RAB14: variants seen among roughly 807,000 people sequenced by gnomAD.
RAB14 encodes ras-related protein Rab-14.
In RAB14, 3 loss-of-function variants were observed where a neutral mutation model predicts 31.1. The observed-to-expected ratio is 0.10, with a 90% CI of 0.04 to 0.25. RAB14 has a LOEUF of 0.25. Ranked by LOEUF, RAB14 falls within the 10% of genes least tolerant of loss-of-function variation. The pLI is 1.00. For missense variants in RAB14, 111 were observed against 260.1 expected, an observed-to-expected ratio of 0.43 and a Z score of 3.94; for synonymous variants, 85 against 84.9, an observed-to-expected ratio of 1.00 and a Z score of 0.00.
chr9:121,194,528 A>G (rs1004824827), intron 1 of RAB14, among the ~76,000 whole-genome samples: 16 of 152,322 alleles, frequency 1.1e-4, no homozygotes, highest in African/African-American at 3.8e-4. Flanking sequence ...GAACTGTAAA[A>G]CTGGTAATAA....
At chr9:121,198,879 T>C (rs1413552808) in intron 1 of RAB14, among the ~76,000 whole-genome samples, 2 of 151,946 alleles carry the variant, frequency 1.3e-5, no homozygotes, top group Non-Finnish European at 2.9e-5. Flanking sequence ...TCTAATAATC[T>C]AATCTAATAA....
intron 1 of RAB14, among the ~76,000 whole-genome samples, chr9:121,195,634 G>T (rs541670984): frequency 3.3e-5 from 5 of 152,100 alleles, no homozygotes; most frequent in Non-Finnish European, 7.4e-5. Context: ...TAAAAGAAAT[G>T]ATCACTATTT....
At chr9:121,191,404 C>CA (rs2053685951) in intron 3 of RAB14, among the ~76,000 whole-genome samples, 1 of 152,090 alleles carries the variant, frequency 6.6e-6, no homozygotes, top group South Asian at 2.1e-4. Context: ...GTAGCACAAG[C>CA]ATAGCTCACT....
Position 121,181,434 on chromosome 9 carries a change from T to C in RAB14, c.610A>G (p.Ser204Gly), listed in dbSNP as rs778080512. 4 of 1,610,838 alleles carry C rather than the reference T, an allele frequency of 2.5e-6. No homozygotes were observed. Among genetic ancestry groups the C allele is most frequent in the Non-Finnish European group, 3.4e-6 (4 of 1,177,428 alleles). Reference protein sequence around the residue: ...PSAPQGGRLTSEPQPQREGCG... With the variant: ...PSAPQGGRLTGEPQPQREGCG... ...CCTTCTCTCTGGGGTTGGGGTTCAC[T>C]GGTTAGCCGGCCTCCCTGCGGGGCT... Residue 204 changes from serine to glycine, a missense_variant, in exon 8 of 8, where the codon AGT (serine) becomes GGT (glycine). Physicochemically the swap from Ser to Gly is moderately conservative, Grantham distance 56. Transcript: ENST00000373840.
At chr9:121,201,233 G>A (rs1250756413) in intron 1 of RAB14, among the ~76,000 whole-genome samples, 1 of 152,204 alleles carries the variant, frequency 6.6e-6, no homozygotes, top group Non-Finnish European at 1.5e-5. Context: ...GGGCGGCGCG[G>A]CACGCGTGGG....
chr9:121,189,965 T>C (rs2053678142), intron 4 of RAB14, among the ~76,000 whole-genome samples: 1 of 152,134 alleles, frequency 6.6e-6, no homozygotes, highest in Non-Finnish European at 1.5e-5. Context: ...GTAGTTTTAT[T>C]ACTTTACATC....
rs959922682 is a variant in RAB14, at chr9:121,181,047, C to T, written c.*349G>A. ...GGCTTAAGATATCACCAAATTAAAC[C>T]GTACAGTGAGACAAAGCCTTGCCAA... is the stretch of plus-strand genomic sequence containing the variant. On this transcript the variant is annotated 3_prime_UTR_variant, in exon 8 of 8. Coordinates refer to ENST00000373840, the MANE Select transcript of RAB14 (RefSeq NM_016322.4). The T allele has an allele frequency of 3.4e-5, 6 of 178,266 alleles. No individual in the cohort carries two copies. The highest frequency in any genetic ancestry group is 4.7e-5 in the African/African-American group (2 of 42,488). The allele number at this position is 178,266 out of a possible 1,614,324, so 11.0% of individuals were successfully genotyped here.
chr9:121,197,346 C>A (rs1394072298), intron 1 of RAB14, among the ~76,000 whole-genome samples: 1 of 152,124 alleles, frequency 6.6e-6, no homozygotes, highest in African/African-American at 2.4e-5. Context: ...GGAAACATAC[C>A]ATTTCACCAC....
chr9:121,181,423 T>G lies in RAB14; in HGVS notation c.621A>C (p.Gln207His). 6.2e-7 allele frequency: 1 copy of G among 1,607,012 alleles called. No individual in the cohort carries two copies. Among genetic ancestry groups the G allele is most frequent in the Non-Finnish European group, 8.5e-7 (1 of 1,174,778 alleles). ...PQGGRLTSEPQPQREGCGC is the reference protein window; with the variant it reads ...PQGGRLTSEPHPQREGCGC ...AGCAGCCACAGCCTTCTCTCTGGGG[T>G]TGGGGTTCACTGGTTAGCCGGCCTC... Residue 207 changes from glutamine to histidine, a missense_variant, in exon 8 of 8, where the codon CAA becomes CAC. Gln to His is a conservative substitution (Grantham distance 24). Coordinates refer to ENST00000373840, the MANE Select transcript of RAB14 (RefSeq NM_016322.4).
At chr9:121,190,793 G>A (rs2053682273) in intron 3 of RAB14, 62 bp from the exon 4 acceptor site, 1 of 1,522,622 alleles carries the variant, frequency 6.6e-7, no homozygotes, top group Non-Finnish European at 9.0e-7. Context: ...AAGCCTAGAG[G>A]GGGAAAATCC....
At chr9:121,182,042 G>A (rs965358276) in intron 7 of RAB14, among the ~76,000 whole-genome samples, 4 of 152,040 alleles carry the variant, frequency 2.6e-5, no homozygotes, top group Non-Finnish European at 4.4e-5. Flanking sequence ...CACCACACCC[G>A]GCCGGAAAAC....
chr9:121,190,527 T>C, intron 4 of RAB14, 27 bp downstream of exon 4: 1 of 1,545,162 alleles, frequency 6.5e-7, no homozygotes, highest in East Asian at 2.3e-5. Flanking sequence ...ATTTTCCCCA[T>C]ATGAAGGTTG....
intron 5 of RAB14, among the ~76,000 whole-genome samples, chr9:121,185,879 C>CT (rs1483326479): frequency 3.9e-5 from 6 of 152,104 alleles, no homozygotes; most frequent in African/African-American, 1.4e-4. Flanking sequence ...GAACACCCAT[C>CT]TATAGGTGTG....
In RAB14 at chr9:121,179,121, C is replaced by A. The variant is rs752239974; in HGVS notation, c.*2275G>T. The A allele has an allele frequency of 6.6e-6, 1 of 152,164 alleles. No homozygotes were observed. The highest frequency in any genetic ancestry group is 1.5e-5 in the Non-Finnish European group (1 of 68,018). The allele number at this position is 152,164 out of a possible 1,614,324, so 9.4% of individuals were successfully genotyped here. On this transcript the variant is annotated 3_prime_UTR_variant, in exon 8 of 8. Coordinates refer to ENST00000373840, the MANE Select transcript of RAB14 (RefSeq NM_016322.4). The stretch of plus-strand genomic sequence containing the variant: ...AAACATTTCAAGGGTAATGTAAACA[C>A]AAGAATAAAGCTGTGGGTCTATTAC...
At chr9:121,192,271 T>C in intron 2 of RAB14, 47 bp from the exon 3 acceptor site, 2 of 1,413,844 alleles carry the variant, frequency 1.4e-6, no homozygotes, top group Non-Finnish European at 2.0e-6. Flanking sequence ...ATTTCTCAAT[T>C]TTATGCAATG....
At chr9:121,187,931 T>C (rs2053666486) in intron 4 of RAB14, among the ~76,000 whole-genome samples, 1 of 152,018 alleles carries the variant, frequency 6.6e-6, no homozygotes, top group Non-Finnish European at 1.5e-5. Context: ...AGAACTCTTT[T>C]ACAAATACCA....
chr9:121,187,614 G>A (rs1235088016), intron 4 of RAB14, among the ~76,000 whole-genome samples: 1 of 151,946 alleles, frequency 6.6e-6, no homozygotes, highest in Non-Finnish European at 1.5e-5. Flanking sequence ...GAAAAAGTTC[G>A]TCCTAACTTT....
chr9:121,181,790 C>T (rs1337241104), intron 7 of RAB14, among the ~76,000 whole-genome samples: 2 of 138,230 alleles, frequency 1.4e-5, no homozygotes, highest in Admixed American at 8.2e-5. Context: ...ACTCTGTCAC[C>T]AGGCTGGAGT....
intron 4 of RAB14, among the ~76,000 whole-genome samples, chr9:121,190,060 TTAAG>T (rs1265353922): frequency 6.6e-6 from 1 of 152,094 alleles, no homozygotes; most frequent in Non-Finnish European, 1.5e-5. Context: ...TCTATCCATT[TTAAG>T]AGAAAAAAAA....
Sources: allele counts gnomAD v4.1 joint callset (sites outside exome capture counted in the v4.1 genomes callset), GRCh38; gene constraint gnomAD v4.1.1; transcripts MANE v1.5; gene names NCBI Gene and HGNC (gene_info 2026-07-23, HGNC 2026-07-21).